MYO16: variants seen among roughly 807,000 people sequenced by gnomAD.
The protein encoded by MYO16 is myosin XVI.
MYO16 carries 94 observed loss-of-function variants against 205.3 expected under a neutral mutation model. The observed-to-expected ratio is 0.46, with a 90% confidence interval of 0.39 to 0.54. The LOEUF is 0.54. MYO16 is among the 20% of genes least tolerant of loss of function. The pLI is 0.00. For missense variants in MYO16, 2,315 were observed against 2,387.5 expected (o/e 0.97, Z 0.63); for synonymous variants, 988 against 954.0 (o/e 1.04, Z -0.66).
At chr13:108,622,076 T>C (rs1358623833) in intron 1 of MYO16, among the ~76,000 whole-genome samples, 1 of 152,152 alleles carries the variant, frequency 6.6e-6, no homozygotes, top group Non-Finnish European at 1.5e-5. Flanking sequence ...GTATAAAGTT[T>C]ACTTGTTTAG....
the MYO16 span, among the ~76,000 whole-genome samples, chr13:108,554,247 GA>G: frequency 0.46 from 67,234 of 147,322 alleles, 15,051 homozygotes; most frequent in East Asian, 0.57. Flanking sequence ...CTTAAAAAAA[GA>G]AAAAAAAAAA....
chr13:109,191,918 A>G (rs1000208664), intron 34 of MYO16, among the ~76,000 whole-genome samples: 1 of 152,208 alleles, frequency 6.6e-6, no homozygotes, highest in Non-Finnish European at 1.5e-5. Flanking sequence ...AAAATATTAG[A>G]CATATAGTTC....
intron 16 of MYO16, among the ~76,000 whole-genome samples, chr13:108,937,226 G>T (rs1470336937): frequency 6.6e-6 from 1 of 152,126 alleles, no homozygotes; most frequent in African/African-American, 2.4e-5. Flanking sequence ...CCATTAGCCT[G>T]ATGGGGTTCC....
intron 27 of MYO16, among the ~76,000 whole-genome samples, chr13:109,056,384 T>C (rs1361293408): frequency 6.6e-6 from 1 of 152,188 alleles, no homozygotes; most frequent in African/African-American, 2.4e-5. Flanking sequence ...TTTGTTCATT[T>C]GTATTTTATT....
rs959504990 is a variant in MYO16 at position 108,905,141 on chromosome 13, C to G, written c.1778-4862C>G. On this transcript the variant is annotated intron_variant, in intron 15 of 34. Coordinates refer to ENST00000457511, the MANE Select transcript of MYO16 (RefSeq NM_001198950.3). ...ACCATCTTCATACAGGGTAGCTGGG[C>G]ACATGGAAAAGGGCCTTCTAGATCG... 3.9e-5 allele frequency among the ~76,000 whole-genome samples: 6 copies of G among 152,038 alleles called. No homozygotes were observed. The South Asian group carries it at 8.3e-4, about 21-fold the overall frequency.
chr13:109,173,591 A>C (rs1034858125), intron 33 of MYO16, among the ~76,000 whole-genome samples: 1 of 152,122 alleles, frequency 6.6e-6, no homozygotes, highest in Non-Finnish European at 1.5e-5. Flanking sequence ...CAGAGCCATG[A>C]ATGCCAATTT....
the MYO16 span, among the ~76,000 whole-genome samples, chr13:108,589,283 C>T: frequency 6.6e-6 from 1 of 152,110 alleles, no homozygotes; most frequent in African/African-American, 2.4e-5. Context: ...ATTTTATGAT[C>T]TAATTATCAT....
chr13:109,206,469 C>A, intron 34 of MYO16, 140 bp from the exon 35 acceptor site: 1 of 635,700 alleles, frequency 1.6e-6, no homozygotes, highest in East Asian at 2.7e-5. Context: ...CCAGAGGCAG[C>A]AGTGCATGGA....
At chr13:108,505,165 A>T in the MYO16 span, among the ~76,000 whole-genome samples, 3 of 152,170 alleles carry the variant, frequency 2.0e-5, no homozygotes, top group Non-Finnish European at 4.4e-5. Context: ...CTTTTGGATT[A>T]AAACCCAAAG....
the MYO16 span, among the ~76,000 whole-genome samples, chr13:108,508,241 A>C: frequency 8.9e-6 from 1 of 112,904 alleles, no homozygotes. Flanking sequence ...TTTTGCTGAA[A>C]CTTGGGCATT....
At chr13:109,132,613 G>A (rs75276941) in intron 31 of MYO16, among the ~76,000 whole-genome samples, 3,166 of 152,232 alleles carry the variant, frequency 0.021, 124 homozygotes, top group African/African-American at 0.072. Context: ...GCACAATTTG[G>A]CAAGGTTCGA....
the MYO16 span, among the ~76,000 whole-genome samples, chr13:108,574,183 G>C: frequency 1.3e-5 from 2 of 152,060 alleles, no homozygotes; most frequent in East Asian, 3.9e-4. Flanking sequence ...GCTTGGATTT[G>C]TCCTGAATAC....
At chr13:109,022,694 ATATT>A (rs1886114540) in intron 23 of MYO16, among the ~76,000 whole-genome samples, 2 of 124,660 alleles carry the variant, frequency 1.6e-5, no homozygotes, top group South Asian at 5.1e-4. Flanking sequence ...AAACATGTAT[ATATT>A]TATATATTAT....
intron 2 of MYO16, among the ~76,000 whole-genome samples, chr13:108,710,350 T>G (rs1303032222): frequency 6.6e-6 from 1 of 152,236 alleles, no homozygotes; most frequent in African/African-American, 2.4e-5. Context: ...GTTCTACTTT[T>G]GTTTGATAAA....
intron 3 of MYO16, among the ~76,000 whole-genome samples, chr13:108,721,930 C>A (rs1287443332): frequency 6.6e-5 from 10 of 152,116 alleles, no homozygotes; most frequent in Admixed American, 1.3e-4. Context: ...GATTAAAGGG[C>A]TTGGTAATTC....
chr13:109,009,838 T>C (rs1255383451), intron 22 of MYO16, among the ~76,000 whole-genome samples: 1 of 152,214 alleles, frequency 6.6e-6, no homozygotes, highest in African/African-American at 2.4e-5. Context: ...ATTCTTCTTT[T>C]TCTAAAATTA....
intron 3 of MYO16, among the ~76,000 whole-genome samples, chr13:108,724,239 C>G (rs1204764091): frequency 6.6e-6 from 1 of 152,146 alleles, no homozygotes; most frequent in Non-Finnish European, 1.5e-5. Flanking sequence ...ATGATCATGT[C>G]ATATGCGAAT....
chr13:108,799,695 G>A (rs1886910984), intron 6 of MYO16, among the ~76,000 whole-genome samples: 1 of 152,158 alleles, frequency 6.6e-6, no homozygotes, highest in Non-Finnish European at 1.5e-5. Context: ...AGAGGTCAGT[G>A]GGCCCAGGTG....
chr13:108,804,611 G>A (rs12583738), intron 6 of MYO16, among the ~76,000 whole-genome samples: 10,642 of 152,194 alleles, frequency 0.07, 501 homozygotes, highest in East Asian at 0.23. Context: ...TGGATTCAGA[G>A]GTTGATTGCC....
Sources: gnomAD v4.1 joint callset for allele counts (sites outside exome capture counted in the v4.1 genomes callset) on GRCh38, gnomAD v4.1.1 for gene constraint, MANE v1.5 for transcripts, NCBI Gene and HGNC (gene_info 2026-07-23, HGNC 2026-07-21) for gene names.